The following CSMD1 variants were observed in gnomAD, a reference collection of about 807,000 sequenced individuals.
CSMD1 encodes CUB and sushi domain-containing protein 1.
In CSMD1, 213 loss-of-function variants were observed where a neutral mutation model predicts 417.5. The observed-to-expected ratio is 0.51, with a 90% confidence interval of 0.46 to 0.57. The LOEUF (loss-of-function observed/expected upper bound fraction) is 0.57, where lower values mean the gene tolerates loss of function less well. Among genes scored for constraint, CSMD1 ranks in the 20% least tolerant of loss-of-function variants. CSMD1 has a pLI of 0.00. For synonymous variants in CSMD1, 2,862 were observed against 1,736.8 expected, an observed-to-expected ratio of 1.65 and a Z score of -16.11; for missense variants, 6,923 against 4,529.7, an observed-to-expected ratio of 1.53 and a Z score of -15.17.
chr8:3,258,072 A>C (rs757754398), intron 26 of CSMD1, among the ~76,000 whole-genome samples: 81 of 152,120 alleles, frequency 5.3e-4, no homozygotes, highest in Admixed American at 1.8e-3. Context: ...CATTCTCATA[A>C]ATTTTATAGG....
intron 3 of CSMD1, among the ~76,000 whole-genome samples, chr8:4,170,576 T>A (rs767029356): frequency 6.6e-6 from 1 of 151,890 alleles, no homozygotes; most frequent in Non-Finnish European, 1.5e-5. Context: ...ATGAAAACCT[T>A]AGCAGTACAC....
intron 1 of CSMD1, among the ~76,000 whole-genome samples, chr8:4,955,867 C>T (rs942609031): frequency 6.8e-6 from 1 of 147,062 alleles, no homozygotes; most frequent in African/African-American, 2.5e-5. Flanking sequence ...AGTATCTTTC[C>T]CCTCTAGAAA....
At chr8:4,682,470 T>C (rs1377925045) in intron 1 of CSMD1, among the ~76,000 whole-genome samples, 3 of 152,240 alleles carry the variant, frequency 2.0e-5, no homozygotes, top group East Asian at 3.9e-4. Context: ...AATATTTCTA[T>C]ATGAAAAATA....
At chr8:3,587,326 T>C (rs58472211) in intron 8 of CSMD1, among the ~76,000 whole-genome samples, 4,237 of 152,300 alleles carry the variant, frequency 0.028, 177 homozygotes, top group African/African-American at 0.096. Flanking sequence ...GAATTAAATG[T>C]AGGCTTATTT....
chr8:4,128,204 C>G (rs1038596352), intron 3 of CSMD1, among the ~76,000 whole-genome samples: 9 of 151,892 alleles, frequency 5.9e-5, no homozygotes, highest in Non-Finnish European at 1.5e-5. Flanking sequence ...CCTGAGAAAA[C>G]AGCAGCTCCT....
In CSMD1 at chr8:4,411,284, T is replaced by A. The variant is rs182622485; in HGVS notation, c.415+8669A>T. On this transcript the variant is annotated intron_variant, in intron 3 of 69. Coordinates refer to ENST00000635120, the MANE Select transcript of CSMD1 (RefSeq NM_033225.6). ...ATGAAATGGGCTCTATGGAGTTAAC[T>A]TGCCCTTTACTATATTCCTTTTAGA... 8.1e-4 allele frequency among the ~76,000 whole-genome samples: 124 copies of A among 152,300 alleles called. No homozygotes were observed. In the Middle Eastern group the frequency reaches 0.01, roughly 13 times the overall value.
In CSMD1 at chr8:3,466,430, G is replaced by C. The variant is rs892694231; in HGVS notation, c.1561+2282C>G. Among the ~76,000 whole-genome samples the C allele has an allele frequency of 5.4e-4, 82 of 151,768 alleles. 1 individual carries two copies. The highest frequency in any genetic ancestry group is 1.8e-3 in the African/African-American group (74 of 41,362). ...TGATAATTTTTTTTTCTTTTTTTAAGATGGAGTCTCACTCTGTTGCCTAGG... is the reference window on the plus strand; with the variant it reads ...TGATAATTTTTTTTTCTTTTTTTAACATGGAGTCTCACTCTGTTGCCTAGG... On this transcript the variant is annotated intron_variant, in intron 12 of 69. Transcript: ENST00000635120.
intron 26 of CSMD1, among the ~76,000 whole-genome samples, chr8:3,234,121 C>G (rs1231903574): frequency 6.6e-6 from 1 of 152,190 alleles, no homozygotes; most frequent in Non-Finnish European, 1.5e-5. Flanking sequence ...CCAAGGGACT[C>G]TGAGAGTGGA....
chr8:4,923,276 T>C (rs1441272289), intron 1 of CSMD1, among the ~76,000 whole-genome samples: 1 of 152,190 alleles, frequency 6.6e-6, no homozygotes, highest in Admixed American at 6.5e-5. Context: ...CTTGACTCAC[T>C]CATGCCTCAT....
chr8:3,835,583 G>T (rs1435111568), intron 5 of CSMD1, among the ~76,000 whole-genome samples: 1 of 152,054 alleles, frequency 6.6e-6, no homozygotes, highest in Admixed American at 6.6e-5. Flanking sequence ...AGCGGGGAGG[G>T]ATAGCATTAG....
chr8:4,425,533 A>G lies in CSMD1; in HGVS notation c.303-5468T>C, dbSNP rs142595681. Among the ~76,000 whole-genome samples, 695 of 152,238 alleles carry G rather than the reference A, an allele frequency of 4.6e-3. 8 individuals carry two copies. The highest frequency in any genetic ancestry group is 0.016 in the African/African-American group (656 of 41,550). Reference sequence around the variant, plus strand: ...ACACTGGCTGCGAGTAAGGAATCTTATAAGGAGCTGGCAAGACTCACTCCT... The same window carrying G: ...ACACTGGCTGCGAGTAAGGAATCTTGTAAGGAGCTGGCAAGACTCACTCCT... On this transcript the variant is annotated intron_variant, in intron 2 of 69. Transcript: ENST00000635120.
At chr8:4,861,028 T>G (rs1019250988) in intron 1 of CSMD1, among the ~76,000 whole-genome samples, 1 of 152,144 alleles carries the variant, frequency 6.6e-6, no homozygotes, top group Non-Finnish European at 1.5e-5. Flanking sequence ...AGGTGCTTAT[T>G]TATCTATGTC....
At chr8:3,654,999 G>A (rs1049240591) in intron 7 of CSMD1, among the ~76,000 whole-genome samples, 1 of 152,162 alleles carries the variant, frequency 6.6e-6, no homozygotes, top group Admixed American at 6.5e-5. Flanking sequence ...AAGAAAGGGA[G>A]ACAGCAATAA....
intron 1 of CSMD1, among the ~76,000 whole-genome samples, chr8:4,886,406 A>G (rs1187323876): frequency 6.6e-6 from 1 of 151,904 alleles, no homozygotes; most frequent in Non-Finnish European, 1.5e-5. Context: ...TTTCTTGATA[A>G]TGTTTTGTTG....
chr8:4,129,524 G>A (rs534488417), intron 3 of CSMD1, among the ~76,000 whole-genome samples: 1 of 152,038 alleles, frequency 6.6e-6, no homozygotes, highest in African/African-American at 2.4e-5. Context: ...CCAGGGCATA[G>A]GAATCCGATT....
intron 5 of CSMD1, among the ~76,000 whole-genome samples, chr8:3,773,543 T>C (rs989821000): frequency 6.6e-6 from 1 of 152,154 alleles, no homozygotes; most frequent in Non-Finnish European, 1.5e-5. Context: ...CACCTTGGCC[T>C]CCCAAACTGC....
intron 1 of CSMD1, among the ~76,000 whole-genome samples, chr8:4,869,747 G>C (rs1027597134): frequency 1.3e-5 from 2 of 151,980 alleles, no homozygotes; most frequent in Non-Finnish European, 2.9e-5. Context: ...CCATGGAATA[G>C]AGCAAAACCA....
intron 7 of CSMD1, among the ~76,000 whole-genome samples, chr8:3,651,768 G>C (rs571071882): frequency 4.0e-5 from 6 of 151,672 alleles, no homozygotes; most frequent in African/African-American, 1.5e-4. Flanking sequence ...TACCAACAGA[G>C]CGCCTACCAC....
chr8:4,320,604 C>T (rs537965405), intron 3 of CSMD1, among the ~76,000 whole-genome samples: 37 of 152,102 alleles, frequency 2.4e-4, no homozygotes, highest in South Asian at 4.1e-4. Context: ...TGAGAACATG[C>T]GGTGTTTGGC....
Sources: allele counts gnomAD v4.1 joint callset (sites outside exome capture counted in the v4.1 genomes callset), GRCh38; gene constraint gnomAD v4.1.1; transcripts MANE v1.5; gene names NCBI Gene and HGNC (gene_info 2026-07-23, HGNC 2026-07-21).